The following CYTH1 variants were observed in gnomAD, a reference collection of about 807,000 sequenced individuals.
CYTH1 encodes cytohesin 1, also known as cytohesin-1.
Under a neutral mutation model 61.8 loss-of-function variants are expected in CYTH1, and 18 were observed. The observed-to-expected ratio is 0.29, with a 90% CI of 0.20 to 0.43. CYTH1 has a LOEUF of 0.43. CYTH1 is among the 20% of genes least tolerant of loss of function. CYTH1 has a pLI of 1.00. For synonymous variants in CYTH1, 174 were observed against 184.3 expected (o/e 0.94, Z 0.45); for missense variants, 336 against 510.5 (o/e 0.66, Z 3.29).
At chr17:78,719,439 C>A (rs1425907546) in intron 1 of CYTH1, among the ~76,000 whole-genome samples, 2 of 151,980 alleles carry the variant, frequency 1.3e-5, no homozygotes, top group Non-Finnish European at 2.9e-5. Flanking sequence ...GAAAAAAAAA[C>A]AGTCGAGGAG....
chr17:78,773,735 G>A (rs1598930313), intron 1 of CYTH1, among the ~76,000 whole-genome samples: 2 of 152,188 alleles, frequency 1.3e-5, no homozygotes, highest in African/African-American at 4.8e-5. Flanking sequence ...GACAATATAT[G>A]GGTTGAGAGA....
intron 1 of CYTH1, among the ~76,000 whole-genome samples, chr17:78,724,658 A>G (rs1263140323): frequency 6.6e-6 from 1 of 152,206 alleles, no homozygotes; most frequent in Non-Finnish European, 1.5e-5. Context: ...TGCTCTAGAT[A>G]AACAATGGAA....
At chr17:78,719,426 C>T (rs1175777991) in intron 1 of CYTH1, among the ~76,000 whole-genome samples, 1 of 150,966 alleles carries the variant, frequency 6.6e-6, no homozygotes, top group Non-Finnish European at 1.5e-5. Context: ...AGGCAGCAAA[C>T]AAGAAAAAAA....
At chr17:78,679,120 T>C (rs1598808379) in intron 13 of CYTH1, among the ~76,000 whole-genome samples, 1 of 152,324 alleles carries the variant, frequency 6.6e-6, no homozygotes, top group African/African-American at 2.4e-5. Context: ...AAACAAAGGC[T>C]AGAGGATATT....
At chr17:78,739,207 C>T (rs2093332633) in intron 1 of CYTH1, among the ~76,000 whole-genome samples, 1 of 152,094 alleles carries the variant, frequency 6.6e-6, no homozygotes, top group South Asian at 2.1e-4. Context: ...TTGTCATAAC[C>T]AGTCACTTGT....
At chr17:78,701,522 G>T in intron 6 of CYTH1, 149 bp downstream of exon 6, 1 of 744,214 alleles carries the variant, frequency 1.3e-6, no homozygotes. Flanking sequence ...CCCAGTCAGA[G>T]ACCAATAGAT....
rs765823239 is a variant in CYTH1, at chr17:78,702,262, G to T, written c.238-22C>A. The T allele has an allele frequency of 3.2e-6, 5 of 1,571,596 alleles. No individual in the cohort carries two copies. In the East Asian group the frequency reaches 1.1e-4, roughly 35 times the overall value. ...TCCCCTAGAAAAAGACAACAAAGAC[G>T]CCAATGATGCTTTGCTGGGAAACAG... On this transcript the variant is annotated intron_variant, in intron 4 of 13. Coordinates refer to ENST00000446868, the MANE Select transcript of CYTH1 (RefSeq NM_004762.6).
chr17:78,755,170 A>ATTAT (rs1035380914), intron 1 of CYTH1, among the ~76,000 whole-genome samples: 5 of 152,168 alleles, frequency 3.3e-5, no homozygotes, highest in South Asian at 2.1e-4. Context: ...CAAACATAAT[A>ATTAT]TTATTTATTT....
intron 1 of CYTH1, among the ~76,000 whole-genome samples, chr17:78,734,780 T>A (rs1440096875): frequency 6.6e-6 from 1 of 152,064 alleles, no homozygotes; most frequent in South Asian, 2.1e-4. Flanking sequence ...GGGTTTGAGA[T>A]TAATGCAGCA....
intron 1 of CYTH1, among the ~76,000 whole-genome samples, chr17:78,732,687 A>G (rs1331421578): frequency 2.0e-5 from 3 of 152,202 alleles, no homozygotes; most frequent in Admixed American, 6.5e-5. Flanking sequence ...AGAAATATCT[A>G]GGGGGATATG....
chr17:78,744,845 C>CA (rs3038702), intron 1 of CYTH1, among the ~76,000 whole-genome samples: 26,118 of 97,840 alleles, frequency 0.27, 2,554 homozygotes, highest in Middle Eastern at 0.38. Flanking sequence ...GATTAGATGT[C>CA]AAAAAAAAAA....
At chr17:78,704,902 T>C (rs1244674793) in intron 3 of CYTH1, among the ~76,000 whole-genome samples, 1 of 152,194 alleles carries the variant, frequency 6.6e-6, no homozygotes, top group Non-Finnish European at 1.5e-5. Context: ...TGGGCTCCCC[T>C]GTCAACAGCT....
chr17:78,681,164 C>T (rs2092758023), intron 11 of CYTH1, 122 bp from the exon 12 acceptor site: 2 of 927,472 alleles, frequency 2.2e-6, no homozygotes, highest in Non-Finnish European at 3.4e-6. Context: ...GTTCATAAAT[C>T]AGCCTGAGGG....
intron 3 of CYTH1, among the ~76,000 whole-genome samples, chr17:78,706,464 C>A (rs1351364652): frequency 6.6e-6 from 1 of 152,256 alleles, no homozygotes; most frequent in African/African-American, 2.4e-5. Flanking sequence ...CTGCTGCACG[C>A]TAGCAGTTCA....
chr17:78,750,739 T>C (rs1475693167), intron 1 of CYTH1, among the ~76,000 whole-genome samples: 2 of 144,984 alleles, frequency 1.4e-5, no homozygotes, highest in Non-Finnish European at 3.0e-5. Context: ...GAGGTGGAGG[T>C]TGCAGTGAGC....
At chr17:78,724,619 G>T (rs1016291637) in intron 1 of CYTH1, among the ~76,000 whole-genome samples, 1 of 152,192 alleles carries the variant, frequency 6.6e-6, no homozygotes, top group South Asian at 2.1e-4. Context: ...TGTCCCCTGC[G>T]GGACAAAACT....
intron 1 of CYTH1, among the ~76,000 whole-genome samples, chr17:78,757,953 C>A (rs2093408378): frequency 6.6e-6 from 1 of 151,940 alleles, no homozygotes; most frequent in South Asian, 2.1e-4. Flanking sequence ...AATAGTAATT[C>A]AATGTCAGGA....
intron 10 of CYTH1, among the ~76,000 whole-genome samples, chr17:78,693,336 G>A (rs953258778): frequency 6.6e-6 from 1 of 152,084 alleles, no homozygotes; most frequent in Admixed American, 6.5e-5. Context: ...AAACACTGGG[G>A]TCATGGCTAG....
At chr17:78,685,572 T>C (rs1006609168) in intron 11 of CYTH1, among the ~76,000 whole-genome samples, 3 of 152,232 alleles carry the variant, frequency 2.0e-5, no homozygotes, top group African/African-American at 7.2e-5. Context: ...TATTTTCGTA[T>C]TCTGAACTTA....
Sources: gnomAD v4.1 joint callset for allele counts (sites outside exome capture counted in the v4.1 genomes callset) on GRCh38, gnomAD v4.1.1 for gene constraint, MANE v1.5 for transcripts, NCBI Gene and HGNC (gene_info 2026-07-23, HGNC 2026-07-21) for gene names.